ARHGEF10: variants seen among roughly 807,000 people sequenced by gnomAD.
The protein encoded by ARHGEF10 is Rho guanine nucleotide exchange factor 10, also known as Rho guanine nucleotide exchange factor (GEF) 10.
A neutral mutation model predicts 147.4 loss-of-function variants in ARHGEF10; 140 were observed. The observed-to-expected ratio is 0.95, with a 90% CI of 0.83 to 1.09. The LOEUF is 1.09. ARHGEF10 is among the 50% of genes least tolerant of loss of function. ARHGEF10 has a pLI of 0.00. For synonymous variants in ARHGEF10, 902 were observed against 695.8 expected, an observed-to-expected ratio of 1.30 and a Z score of -4.67; for missense variants, 2,222 against 1,752.7, an observed-to-expected ratio of 1.27 and a Z score of -4.78.
At chr8:1,913,895 C>T (rs374591488) in intron 18 of ARHGEF10, among the ~76,000 whole-genome samples, 2 of 152,118 alleles carry the variant, frequency 1.3e-5, no homozygotes, top group Admixed American at 1.3e-4. Flanking sequence ...AAGCTTGTAC[C>T]GTGAGGAGGG....
chr8:1,838,408 A>C (rs1563155921), intron 1 of ARHGEF10, among the ~76,000 whole-genome samples: 3 of 151,350 alleles, frequency 2.0e-5, no homozygotes, highest in African/African-American at 4.9e-5. Flanking sequence ...TGACGAATGA[A>C]GGAGTCTTCT....
chr8:1,893,530 A>G (rs773602869), intron 11 of ARHGEF10, 39 bp from the exon 12 acceptor site: 34 of 1,332,842 alleles, frequency 2.6e-5, no homozygotes, highest in Non-Finnish European at 3.6e-5. Context: ...GTGTATTATA[A>G]AGCAGTTTTC....
chr8:1,876,226 A>C, intron 7 of ARHGEF10: 1 of 346,666 alleles, frequency 2.9e-6, no homozygotes, highest in Non-Finnish European at 5.4e-6. Flanking sequence ...AGTTTATATA[A>C]AGGAAGATTT....
intron 8 of ARHGEF10, among the ~76,000 whole-genome samples, chr8:1,879,220 C>T (rs551319416): frequency 8.5e-5 from 13 of 152,222 alleles, no homozygotes; most frequent in African/African-American, 2.9e-4. Flanking sequence ...TGTGACCACA[C>T]GGAGAAGGAT....
chr8:1,868,423 A>C (rs992368542), intron 6 of ARHGEF10, among the ~76,000 whole-genome samples: 5 of 152,218 alleles, frequency 3.3e-5, no homozygotes, highest in African/African-American at 9.6e-5. Context: ...CTCGATTTAA[A>C]GGTCTTTTTA....
intron 1 of ARHGEF10, among the ~76,000 whole-genome samples, chr8:1,834,324 G>A (rs1008431367): frequency 4.1e-4 from 62 of 152,138 alleles, no homozygotes; most frequent in African/African-American, 1.5e-3. Context: ...TTCTTTTCTG[G>A]GAGCGTGCAG....
chr8:1,923,853 C>T lies in ARHGEF10; in HGVS notation c.2467C>T (p.Gln823Ter). 1 of 1,614,168 alleles carries T rather than the reference C, an allele frequency of 6.2e-7. No individual in the cohort carries two copies. The highest frequency in any genetic ancestry group is 8.5e-7 in the Non-Finnish European group (1 of 1,180,008). Residue 823 changes from glutamine (Q) to a stop codon, truncating the protein, a stop_gained, in exon 21 of 29, where the codon CAG becomes TAG. Coordinates refer to ENST00000349830, the MANE Select transcript of ARHGEF10 (RefSeq NM_014629.4). LOFTEE classifies it high-confidence loss of function. ...CAAGGAGTCCTGGGTCAACAGCTTA[C>T]AGATGGCCAAGCTCGCCCTAGGTAA... ...AIKESWVNSL[Q>*]MAKLALEEEN...
Position 1,823,937 on chromosome 8 carries a change from G to T in ARHGEF10, c.-224G>T, listed in dbSNP as rs1185744100. The T allele has an allele frequency of 6.6e-6, 1 of 151,418 alleles. No individual in the cohort carries two copies. The highest frequency in any genetic ancestry group is 1.5e-5 in the Non-Finnish European group (1 of 67,870). The allele number at this position is 151,418 out of a possible 1,614,324, so 9.4% of individuals were successfully genotyped here. A position where few individuals can be genotyped will look rare whatever the true frequency, so the allele number is the denominator to read the frequency against. ...GCCGTCCGGGCGGGAGGGGCTGGGC[G>T]CATCCCTGTAGCCGGCGGGCGCGCG... On this transcript the variant is annotated 5_prime_UTR_variant, in exon 1 of 29. Coordinates refer to ENST00000349830, the MANE Select transcript of ARHGEF10 (RefSeq NM_014629.4).
At chr8:1,939,387 T>C (rs1426879360) in intron 26 of ARHGEF10, among the ~76,000 whole-genome samples, 2 of 152,188 alleles carry the variant, frequency 1.3e-5, no homozygotes, top group African/African-American at 4.8e-5. Flanking sequence ...AAGACATTGA[T>C]GACACAGGCC....
chr8:1,830,220 A>G (rs1803008333), intron 1 of ARHGEF10, among the ~76,000 whole-genome samples: 1 of 93,036 alleles, frequency 1.1e-5, no homozygotes, highest in African/African-American at 4.2e-5. Context: ...TTCCACTGCA[A>G]TCCGCAGGCA....
chr8:1,927,723 G>T (rs1274204247), intron 23 of ARHGEF10, among the ~76,000 whole-genome samples: 1 of 152,146 alleles, frequency 6.6e-6, no homozygotes, highest in Non-Finnish European at 1.5e-5. Context: ...GACCAGCCTG[G>T]CCAAACATAG....
At chr8:1,854,896 G>T (rs1298488212) in intron 2 of ARHGEF10, among the ~76,000 whole-genome samples, 1 of 152,112 alleles carries the variant, frequency 6.6e-6, no homozygotes, top group Non-Finnish European at 1.5e-5. Context: ...TCTTCTCAGG[G>T]TCATACCTGT....
At chr8:1,931,084 G>A (rs1195050663) in intron 25 of ARHGEF10, among the ~76,000 whole-genome samples, 1 of 152,162 alleles carries the variant, frequency 6.6e-6, no homozygotes, top group Non-Finnish European at 1.5e-5. Context: ...TCATTCACCT[G>A]TTGTCATAAC....
intron 28 of ARHGEF10, among the ~76,000 whole-genome samples, chr8:1,953,640 G>A (rs1171380445): frequency 2.4e-5 from 1 of 41,164 alleles, no homozygotes; most frequent in Non-Finnish European, 5.6e-5. Context: ...ATTTTTAACA[G>A]CACGAAACAG....
chr8:1,897,134 C>T (rs982786262), intron 14 of ARHGEF10, among the ~76,000 whole-genome samples: 5 of 152,330 alleles, frequency 3.3e-5, no homozygotes, highest in Middle Eastern at 3.4e-3. Flanking sequence ...TGATAAACCC[C>T]GGGGACAAAG....
Position 1,880,011 on chromosome 8 carries a change from C to G in ARHGEF10, c.844-37C>G, listed in dbSNP as rs775777648. 3.5e-6 allele frequency: 5 copies of G among 1,429,194 alleles called. No homozygotes were observed. In the Admixed American group the frequency reaches 6.7e-5, roughly 19 times the overall value. The allele number at this position is 1,429,194 out of a possible 1,614,324, so 88.5% of individuals were successfully genotyped here. On this transcript the variant is annotated intron_variant, in intron 8 of 28. Transcript: ENST00000349830. Reference sequence around the variant, plus strand: ...AATTGTCCCAAAGAACCAAAAAGAGCCTTTTTGTGAAAAGACTGTGTCTCT... The same window carrying G: ...AATTGTCCCAAAGAACCAAAAAGAGGCTTTTTGTGAAAAGACTGTGTCTCT...
At chr8:1,876,160 A>G (rs1270596287) in intron 7 of ARHGEF10, 1 of 250,144 alleles carries the variant, frequency 4.0e-6, no homozygotes, top group Non-Finnish European at 7.8e-6. Flanking sequence ...CCGTCCATCG[A>G]CATGCCTATC....
intron 28 of ARHGEF10, among the ~76,000 whole-genome samples, chr8:1,953,888 C>A (rs1462238406): frequency 1.3e-5 from 2 of 152,212 alleles, no homozygotes; most frequent in African/African-American, 2.4e-5. Context: ...TAGAGCAGAA[C>A]TGTTCCTACG....
chr8:1,873,308 C>T (rs767876044), intron 7 of ARHGEF10, among the ~76,000 whole-genome samples: 6 of 152,168 alleles, frequency 3.9e-5, no homozygotes, highest in Non-Finnish European at 7.3e-5. Flanking sequence ...ACCCACAGCA[C>T]GGCAGCAGAA....
Sources: gnomAD v4.1 joint callset for allele counts (sites outside exome capture counted in the v4.1 genomes callset) on GRCh38, gnomAD v4.1.1 for gene constraint, MANE v1.5 for transcripts, NCBI Gene and HGNC (gene_info 2026-07-23, HGNC 2026-07-21) for gene names.